COLQ: variants seen among roughly 807,000 people sequenced by gnomAD.
COLQ encodes acetylcholinesterase collagenic tail peptide.
COLQ carries 48 observed loss-of-function variants against 69.0 expected under a neutral mutation model. The observed-to-expected ratio is 0.70, with a 90% CI of 0.55 to 0.88. The LOEUF (loss-of-function observed/expected upper bound fraction) is 0.88. COLQ is among the 40% of genes least tolerant of loss of function. COLQ has a pLI of 0.00. For missense variants in COLQ, 618 were observed against 594.6 expected (o/e 1.04, Z -0.41); for synonymous variants, 217 against 211.2 (o/e 1.03, Z -0.24).
chr3:15,520,561 T>C (rs1015997964), intron 1 of COLQ, among the ~76,000 whole-genome samples: 9 of 152,194 alleles, frequency 5.9e-5, no homozygotes, highest in East Asian at 3.9e-4. Flanking sequence ...ATGAGACTCA[T>C]GTTGGAGGCA....
chr3:15,473,305 C>T lies in COLQ; in HGVS notation c.636+695G>A, dbSNP rs955623768. On this transcript the variant is annotated intron_variant, in intron 10 of 16. Transcript: ENST00000383788. This position sits in a 1 kb window ranked among gnomAD's most constrained non-coding sequence, Gnocchi z 4.0. ...TATCTGGCACTACAGGTGCGAACTACCATGCCCAGCTAATGTTTTGTATAT... is the reference window on the plus strand; with the variant it reads ...TATCTGGCACTACAGGTGCGAACTATCATGCCCAGCTAATGTTTTGTATAT... Among the ~76,000 whole-genome samples the T allele has an allele frequency of 1.3e-5, 2 of 152,072 alleles. No individual in the cohort carries two copies. The highest frequency in any genetic ancestry group is 2.4e-5 in the African/African-American group (1 of 41,402).
chr3:15,461,998 C>CTTGT (rs1553635120), intron 12 of COLQ, among the ~76,000 whole-genome samples: 1 of 137,914 alleles, frequency 7.3e-6, no homozygotes, highest in Non-Finnish European at 1.6e-5. Flanking sequence ...ACAGGGATAA[C>CTTGT]TTATTTATTT....
At chr3:15,510,457 C>T (rs553390091) in intron 1 of COLQ, among the ~76,000 whole-genome samples, 1 of 148,896 alleles carries the variant, frequency 6.7e-6, no homozygotes, top group East Asian at 2.1e-4. Context: ...GCCTATAATC[C>T]CAGCACTTTG....
In COLQ at chr3:15,473,371, T is replaced by C. The variant is rs986930606; in HGVS notation, c.636+629A>G. ...TGGGATTTCACCATGTTGCCCAGGCTAGTCTCGAACTCCTGGGTTCAAGCC... is the reference window on the plus strand; with the variant it reads ...TGGGATTTCACCATGTTGCCCAGGCCAGTCTCGAACTCCTGGGTTCAAGCC... On this transcript the variant is annotated intron_variant, in intron 10 of 16. Coordinates refer to ENST00000383788, the MANE Select transcript of COLQ (RefSeq NM_005677.4). The surrounding 1 kb of genome is among the most constrained non-coding windows in gnomAD (Gnocchi z 4.0). Among the ~76,000 whole-genome samples, 1 of 152,210 alleles carries C rather than the reference T, an allele frequency of 6.6e-6. No individual in the cohort carries two copies. The highest frequency in any genetic ancestry group is 1.5e-5 in the Non-Finnish European group (1 of 68,038).
At chr3:15,493,101 C>T (rs2062696464) in intron 1 of COLQ, among the ~76,000 whole-genome samples, 1 of 152,190 alleles carries the variant, frequency 6.6e-6, no homozygotes, top group Non-Finnish European at 1.5e-5. Context: ...GGCATTCATG[C>T]TAATTCTGGA....
Position 15,451,613 on chromosome 3 carries a change from TG to T in COLQ, c.*30del. On this transcript the variant is annotated 3_prime_UTR_variant, in exon 17 of 17. Transcript: ENST00000383788. ...AGTGGAGAAGCTGCTGCCAGTTCTG[TG>T]GGGCGCAGCCCACCTTCTCCTCACG... is the stretch of plus-strand genomic sequence containing the variant. 1 of 1,606,766 alleles carries T rather than the reference TG, an allele frequency of 6.2e-7. No homozygotes were observed. The highest frequency in any genetic ancestry group is 8.5e-7 in the Non-Finnish European group (1 of 1,173,248).
At chr3:15,465,593 G>A (rs1272056820) in intron 12 of COLQ, among the ~76,000 whole-genome samples, 2 of 127,344 alleles carry the variant, frequency 1.6e-5, no homozygotes, top group Admixed American at 8.5e-5. Flanking sequence ...TTTTATTTTA[G>A]TAATTTCTTT....
At chr3:15,463,315 G>T (rs12495708) in intron 12 of COLQ, among the ~76,000 whole-genome samples, 68,948 of 151,120 alleles carry the variant, frequency 0.46, 15,901 homozygotes, top group East Asian at 0.61. Flanking sequence ...TTTGGTTTTG[G>T]TTTTGTTTTT....
chr3:15,470,421 G>T, intron 11 of COLQ, 115 bp downstream of exon 11: 1 of 921,024 alleles, frequency 1.1e-6, no homozygotes, highest in Non-Finnish European at 1.8e-6. Flanking sequence ...CCCAGAGGAT[G>T]CTGGAGTCAA....
intron 12 of COLQ, among the ~76,000 whole-genome samples, chr3:15,463,339 G>GTTGTTTT (rs142080045): frequency 6.6e-6 from 1 of 151,010 alleles, no homozygotes; most frequent in Non-Finnish European, 1.5e-5. Context: ...TGTTGTTTTT[G>GTTGTTTT]TTGTTTTTTG....
intron 1 of COLQ, among the ~76,000 whole-genome samples, chr3:15,503,970 A>G (rs2062868154): frequency 6.6e-6 from 1 of 151,850 alleles, no homozygotes; most frequent in Non-Finnish European, 1.5e-5. Context: ...ATCAAACCCA[A>G]TGACTGTTCA....
At chr3:15,517,884 T>C (rs1179032816) in intron 1 of COLQ, among the ~76,000 whole-genome samples, 1 of 152,204 alleles carries the variant, frequency 6.6e-6, no homozygotes, top group Non-Finnish European at 1.5e-5. Flanking sequence ...TGTACTGTAG[T>C]CAATGACGCC....
intron 3 of COLQ, among the ~76,000 whole-genome samples, chr3:15,481,708 G>C (rs554907602): frequency 2.6e-4 from 39 of 152,148 alleles, no homozygotes; most frequent in Admixed American, 6.5e-4. Flanking sequence ...CTCTTTTTTG[G>C]TTCCATATGA....
intron 5 of COLQ, among the ~76,000 whole-genome samples, chr3:15,478,275 A>T (rs906005223): frequency 3.9e-5 from 6 of 152,238 alleles, no homozygotes; most frequent in African/African-American, 1.4e-4. Flanking sequence ...GTCTTGCAAA[A>T]GTCTGTTTAA....
intron 1 of COLQ, among the ~76,000 whole-genome samples, chr3:15,505,001 T>C (rs1479459507): frequency 6.6e-6 from 1 of 152,256 alleles, no homozygotes; most frequent in Non-Finnish European, 1.5e-5. Context: ...TGAACAATTA[T>C]CTTTACTTTC....
chr3:15,487,667 G>T (rs2062596235), intron 3 of COLQ, among the ~76,000 whole-genome samples: 1 of 152,222 alleles, frequency 6.6e-6, no homozygotes, highest in African/African-American at 2.4e-5. Flanking sequence ...GTGGGGTGGG[G>T]TCTCTGGAGG....
rs1575459959 is a variant in COLQ at position 15,453,412 on chromosome 3, A to C, written c.1298+417T>G. On this transcript the variant is annotated intron_variant, in intron 16 of 16. Coordinates refer to ENST00000383788, the MANE Select transcript of COLQ (RefSeq NM_005677.4). ...AGGGATGGGCAGGGTGTTCCAGGGA[A>C]GTCAGGTTAGGTAGACATGTCGATT... is the stretch of plus-strand genomic sequence containing the variant. Among the ~76,000 whole-genome samples, 3 of 152,184 alleles carry C rather than the reference A, an allele frequency of 2.0e-5. No individual in the cohort carries two copies. In the East Asian group the frequency reaches 5.8e-4, roughly 29 times the overall value.
At position 15,451,196 on chromosome 3, in the gene COLQ, A is replaced by G. The variant is rs2061936865; in HGVS notation, c.*448T>C. The G allele has an allele frequency of 4.2e-6, 1 of 235,824 alleles. No homozygotes were observed. The highest frequency in any genetic ancestry group is 8.5e-6 in the Non-Finnish European group (1 of 117,048). The allele number at this position is 235,824 out of a possible 1,614,324, so 14.6% of individuals were successfully genotyped here. A position where few individuals can be genotyped will look rare whatever the true frequency, so the allele number is the denominator to read the frequency against. On this transcript the variant is annotated 3_prime_UTR_variant, in exon 17 of 17. Transcript: ENST00000383788. ...AGAGAGACCCGACAGCGGGCTGCCC[A>G]GTGTGAGTGAGAATGCCTGCACGTT...
chr3:15,487,411 T>C (rs546140199), intron 3 of COLQ, among the ~76,000 whole-genome samples: 2 of 152,292 alleles, frequency 1.3e-5, no homozygotes, highest in South Asian at 2.1e-4. Flanking sequence ...TGAGGTGATG[T>C]AGGAGATACA....
Sources: gnomAD v4.1 joint callset for allele counts (sites outside exome capture counted in the v4.1 genomes callset) on GRCh38, gnomAD v4.1.1 for gene constraint, Gnocchi (gnomAD v3.1) non-coding constraint, MANE v1.5 for transcripts, NCBI Gene and HGNC (gene_info 2026-07-23, HGNC 2026-07-21) for gene names.